The following CSMD1 variants were observed in gnomAD, a reference collection of about 807,000 sequenced individuals.
The protein encoded by CSMD1 is CUB and Sushi multiple domains 1, also known as CUB and sushi domain-containing protein 1.
A neutral mutation model predicts 417.5 loss-of-function variants in CSMD1; 213 were observed. The ratio of observed to expected loss-of-function variants is 0.51; its 90% CI spans 0.46 to 0.57. CSMD1 has a LOEUF of 0.57. Among genes scored for constraint, CSMD1 ranks in the 20% least tolerant of loss-of-function variants. The pLI is 0.00. For synonymous variants in CSMD1, 2,862 were observed against 1,736.8 expected (o/e 1.65, Z -16.11); for missense variants, 6,923 against 4,529.7 (o/e 1.53, Z -15.17).
intron 18 of CSMD1, among the ~76,000 whole-genome samples, chr8:3,370,894 T>G (rs1422506999): frequency 1.3e-5 from 2 of 151,964 alleles, no homozygotes; most frequent in East Asian, 3.9e-4. Context: ...GAAAATCACT[T>G]AAACCCGGGA....
chr8:3,090,612 T>C (rs995038996), intron 48 of CSMD1, among the ~76,000 whole-genome samples: 12 of 152,156 alleles, frequency 7.9e-5, no homozygotes, highest in Non-Finnish European at 1.2e-4. Context: ...CTTTGGACGC[T>C]CGTAGTCCCT....
chr8:3,757,129 C>T (rs2099918294), intron 5 of CSMD1, among the ~76,000 whole-genome samples: 2 of 152,174 alleles, frequency 1.3e-5, no homozygotes, highest in Admixed American at 1.3e-4. Flanking sequence ...TGCATGCCTA[C>T]ATTAATAATG....
chr8:4,121,968 T>A (rs1207121882), intron 3 of CSMD1, among the ~76,000 whole-genome samples: 2 of 152,056 alleles, frequency 1.3e-5, no homozygotes, highest in South Asian at 4.1e-4. Flanking sequence ...ATTTTAATAA[T>A]GCTTATGTAT....
chr8:4,448,802 C>G (rs766036975), intron 2 of CSMD1, among the ~76,000 whole-genome samples: 31 of 152,150 alleles, frequency 2.0e-4, no homozygotes, highest in Non-Finnish European at 3.5e-4. Context: ...CAGAAGGAGA[C>G]AGAAACCTAA....
intron 5 of CSMD1, among the ~76,000 whole-genome samples, chr8:3,805,512 G>C (rs973168493): frequency 1.4e-4 from 21 of 152,126 alleles, no homozygotes; most frequent in African/African-American, 5.1e-4. Context: ...GGATGACTCT[G>C]AGTCCTGGAA....
At chr8:3,437,754 C>CT (rs34146233) in intron 12 of CSMD1, among the ~76,000 whole-genome samples, 112,160 of 148,650 alleles carry the variant, frequency 0.75, 42,388 homozygotes, top group East Asian at 0.85. Flanking sequence ...GATATCTTTT[C>CT]TTTTTTTTTT....
At chr8:4,875,506 A>C (rs1303570436) in intron 1 of CSMD1, among the ~76,000 whole-genome samples, 1 of 152,018 alleles carries the variant, frequency 6.6e-6, no homozygotes, top group Non-Finnish European at 1.5e-5. Flanking sequence ...ACTCCATGAG[A>C]TGAAGCTTTG....
intron 3 of CSMD1, among the ~76,000 whole-genome samples, chr8:4,180,545 T>A (rs1466744898): frequency 6.6e-6 from 1 of 151,604 alleles, no homozygotes; most frequent in Non-Finnish European, 1.5e-5. Flanking sequence ...ACCTGCACAT[T>A]GTGCACATGT....
intron 3 of CSMD1, among the ~76,000 whole-genome samples, chr8:4,048,335 A>G (rs1268800123): frequency 3.3e-5 from 5 of 152,198 alleles, no homozygotes; most frequent in African/African-American, 9.7e-5. Flanking sequence ...CATTTATTCA[A>G]TAACTTATTT....
chr8:4,612,371 G>T (rs1457908503), intron 2 of CSMD1, among the ~76,000 whole-genome samples: 4 of 152,138 alleles, frequency 2.6e-5, no homozygotes, highest in Non-Finnish European at 5.9e-5. Flanking sequence ...AAGAGGAATG[G>T]TTTTCCAATC....
intron 1 of CSMD1, among the ~76,000 whole-genome samples, chr8:4,823,751 G>C (rs1242624267): frequency 1.3e-5 from 2 of 152,026 alleles, no homozygotes; most frequent in Non-Finnish European, 2.9e-5. Flanking sequence ...GAAAAACTTA[G>C]CCAGTGTGGT....
At position 3,308,514 on chromosome 8, in the gene CSMD1, G is replaced by C. The variant is rs748819131; in HGVS notation, c.3632-11C>G. 3 of 1,601,930 alleles carry C rather than the reference G, an allele frequency of 1.9e-6. No individual in the cohort carries two copies. Among genetic ancestry groups the C allele is most frequent in the South Asian group, 1.1e-5 (1 of 90,068 alleles). On this transcript the variant is annotated splice_polypyrimidine_tract_variant and intron_variant, in intron 23 of 69. Coordinates refer to ENST00000635120, the MANE Select transcript of CSMD1 (RefSeq NM_033225.6). ...TTACCAGATCAAAACCTGCAAGAGA[G>C]AAAGGCAAGGAATGAACAGAACTCA...
intron 41 of CSMD1, among the ~76,000 whole-genome samples, chr8:3,122,101 G>T (rs1269432169): frequency 1.3e-5 from 2 of 152,064 alleles, no homozygotes; most frequent in African/African-American, 2.4e-5. Flanking sequence ...GTTTGAAAAT[G>T]AGTATTCTGA....
At chr8:2,939,650 C>T (rs665045) in intron 69 of CSMD1, among the ~76,000 whole-genome samples, 110,799 of 152,094 alleles carry the variant, frequency 0.73, 40,566 homozygotes, top group East Asian at 0.88. Context: ...TGACATTGGG[C>T]GTCAAGAAAC....
At chr8:3,779,507 A>T (rs1425229011) in intron 5 of CSMD1, among the ~76,000 whole-genome samples, 4 of 152,186 alleles carry the variant, frequency 2.6e-5, no homozygotes, top group Non-Finnish European at 5.9e-5. Context: ...TTCATCAAAT[A>T]TGTGATGGAA....
At chr8:3,199,617 A>C in intron 33 of CSMD1, 97 bp downstream of exon 33, 1 of 546,950 alleles carries the variant, frequency 1.8e-6, no homozygotes, top group East Asian at 3.3e-5. Flanking sequence ...ACAAAAATGC[A>C]GCTGAGATGT....
In CSMD1 at chr8:3,616,710, C is replaced by T; in HGVS notation, c.1097G>A (p.Arg366Lys). Reference protein sequence around the residue: ...ENGRRAGSDFRVGANVQFSCE... With the variant: ...ENGRRAGSDFKVGANVQFSCE... ...TTTCCACCACTATTGTATCTCTTAC[C>T]TGAAGTCGGAACCTGCTCTTCTACC... Residue 366 changes from arginine (R) to lysine (K), a missense_variant and splice_region_variant, in exon 8 of 70, where the codon AGG becomes AAG. Arg to Lys is a conservative substitution (Grantham distance 26, BLOSUM62 2). Coordinates refer to ENST00000635120, the MANE Select transcript of CSMD1 (RefSeq NM_033225.6). 1.2e-6 allele frequency: 2 copies of T among 1,601,398 alleles called. No homozygotes were observed. Among genetic ancestry groups the T allele is most frequent in the Non-Finnish European group, 1.7e-6 (2 of 1,169,138 alleles).
At position 4,110,513 on chromosome 8, in the gene CSMD1, G is replaced by A. The variant is rs141077061; in HGVS notation, c.416-78414C>T. ...TTTTCATATATTATTTTCCCCTAGC[G>A]TGTGCAAGTTAAGGATTTTCATTTG... On this transcript the variant is annotated intron_variant, in intron 3 of 69. Coordinates refer to ENST00000635120, the MANE Select transcript of CSMD1 (RefSeq NM_033225.6). 1.8e-3 allele frequency among the ~76,000 whole-genome samples: 281 copies of A among 152,104 alleles called. 1 individual carries two copies. The highest frequency in any genetic ancestry group is 6.1e-3 in the African/African-American group (254 of 41,506).
At position 4,310,457 on chromosome 8, in the gene CSMD1, A is replaced by G. The variant is rs535572500; in HGVS notation, c.415+109496T>C. Among the ~76,000 whole-genome samples the G allele has an allele frequency of 4.6e-5, 7 of 152,334 alleles. No individual in the cohort carries two copies. The South Asian group carries it at 8.3e-4, about 18-fold the overall frequency. On this transcript the variant is annotated intron_variant, in intron 3 of 69. Transcript: ENST00000635120. ...AAATTGTGCAGAAGTAGGAAGGATGAACAGCATGCGTTATCTTTTATCTGC... is the reference window on the plus strand; with the variant it reads ...AAATTGTGCAGAAGTAGGAAGGATGGACAGCATGCGTTATCTTTTATCTGC...
Sources: gnomAD v4.1 joint callset for allele counts (sites outside exome capture counted in the v4.1 genomes callset) on GRCh38, gnomAD v4.1.1 for gene constraint, MANE v1.5 for transcripts, NCBI Gene and HGNC (gene_info 2026-07-23, HGNC 2026-07-21) for gene names.